Variants in NXPE4 observed in about 807,000 individuals in gnomAD.
NXPE4 encodes the protein NXPE family member 4.
NXPE4 carries 42 observed loss-of-function variants against 33.3 expected under a neutral mutation model. That is an observed-to-expected ratio of 1.26 (90% CI 0.98 to 1.63). The LOEUF (loss-of-function observed/expected upper bound fraction) is 1.63, where lower values mean the gene tolerates loss of function less well. Ranked by LOEUF, NXPE4 falls within the 40% of genes most tolerant of loss-of-function variation. NXPE4 has a pLI of 0.00. For missense variants in NXPE4, 709 were observed against 647.6 expected (o/e 1.09, Z -1.03); for synonymous variants, 253 against 234.9 (o/e 1.08, Z -0.71).
the NXPE4 span, among the ~76,000 whole-genome samples, chr11:114,640,612 A>G: frequency 6.6e-6 from 1 of 151,926 alleles, no homozygotes; most frequent in African/African-American, 2.4e-5. Context: ...ATCTTCACGA[A>G]CATCTGTTGG....
chr11:114,635,924 C>A, the NXPE4 span, among the ~76,000 whole-genome samples: 1 of 151,952 alleles, frequency 6.6e-6, no homozygotes, highest in Non-Finnish European at 1.5e-5. Flanking sequence ...GTCTAAAATT[C>A]TCTTTTTTGG....
At chr11:114,581,176 C>A (rs964169514) in intron 4 of NXPE4, among the ~76,000 whole-genome samples, 1 of 152,004 alleles carries the variant, frequency 6.6e-6, no homozygotes, top group Non-Finnish European at 1.5e-5. Context: ...TGCCTTGAGT[C>A]GTTTTAGATA....
the NXPE4 span, among the ~76,000 whole-genome samples, chr11:114,602,941 A>G: frequency 6.7e-6 from 1 of 149,764 alleles, no homozygotes; most frequent in Non-Finnish European, 1.5e-5. Flanking sequence ...TAATTACAGA[A>G]TCATAATTAT....
chr11:114,573,373 A>C (rs917428236), intron 5 of NXPE4, among the ~76,000 whole-genome samples: 1 of 152,170 alleles, frequency 6.6e-6, no homozygotes, highest in Non-Finnish European at 1.5e-5. Context: ...GCTAATATTG[A>C]ATGTAAATGA....
chr11:114,590,475 A>C (rs1031584798), intron 2 of NXPE4, among the ~76,000 whole-genome samples: 2 of 152,170 alleles, frequency 1.3e-5, no homozygotes, highest in African/African-American at 2.4e-5. Context: ...GGTGAGATAG[A>C]TCATCCTCTA....
Position 114,582,970 on chromosome 11 carries a change from T to G in NXPE4, c.148A>C (p.Thr50Pro). The change falls in exon 3 of 6, where the codon ACA (threonine) becomes CCA (proline). Residue 50 changes from threonine to proline, a missense_variant. By Grantham distance (38) the Thr-to-Pro change is conservative. Coordinates refer to ENST00000375478, the MANE Select transcript of NXPE4 (RefSeq NM_001077639.2). ...GGTGTTTTAGGGAATAAGGACTTTG[T>G]GGAGTTGTTCCAGTAATGGAGGGAG... ...SISLHYWNNSTKSLFPKTPLI... is the reference protein window; with the variant it reads ...SISLHYWNNSPKSLFPKTPLI... 1.2e-6 allele frequency: 2 copies of G among 1,614,014 alleles called. No homozygotes were observed. The highest frequency in any genetic ancestry group is 1.7e-6 in the Non-Finnish European group (2 of 1,179,994).
the NXPE4 span, among the ~76,000 whole-genome samples, chr11:114,645,520 T>C: frequency 6.6e-6 from 1 of 151,856 alleles, no homozygotes; most frequent in Non-Finnish European, 1.5e-5. Flanking sequence ...TAGAAGAAAA[T>C]GTTGATAAAT....
chr11:114,646,816 G>T, the NXPE4 span, among the ~76,000 whole-genome samples: 1 of 152,028 alleles, frequency 6.6e-6, no homozygotes, highest in African/African-American at 2.4e-5. Flanking sequence ...TAAGACTATG[G>T]TTACAAAGCA....
chr11:114,651,102 T>TTA, the NXPE4 span, among the ~76,000 whole-genome samples: 1 of 103,484 alleles, frequency 9.7e-6, no homozygotes, highest in African/African-American at 3.1e-5. Flanking sequence ...ATTACATATA[T>TTA]TATATATAAT....
the NXPE4 span, among the ~76,000 whole-genome samples, chr11:114,650,852 G>A: frequency 2.6e-5 from 4 of 152,134 alleles, no homozygotes; most frequent in African/African-American, 9.6e-5. Flanking sequence ...GAGTCTCACT[G>A]CTGCCCTACC....
the NXPE4 span, among the ~76,000 whole-genome samples, chr11:114,656,382 T>G: frequency 6.6e-6 from 1 of 152,132 alleles, no homozygotes; most frequent in African/African-American, 2.4e-5. Context: ...TCAGTGCTAT[T>G]CCCATCAAAC....
At chr11:114,623,015 C>A in the NXPE4 span, among the ~76,000 whole-genome samples, 1 of 151,998 alleles carries the variant, frequency 6.6e-6, no homozygotes, top group East Asian at 1.9e-4. Flanking sequence ...ATAAGTGTTG[C>A]CTTGCGGGAA....
At chr11:114,656,426 C>A in the NXPE4 span, among the ~76,000 whole-genome samples, 1 of 152,126 alleles carries the variant, frequency 6.6e-6, no homozygotes, top group African/African-American at 2.4e-5. Context: ...TTAGAAAAAA[C>A]TATTTTGAAT....
At chr11:114,636,740 C>T in the NXPE4 span, among the ~76,000 whole-genome samples, 4 of 152,176 alleles carry the variant, frequency 2.6e-5, no homozygotes, top group South Asian at 8.3e-4. Flanking sequence ...CATTCAGGAG[C>T]AGGTTGTTCA....
At chr11:114,631,416 C>T in the NXPE4 span, among the ~76,000 whole-genome samples, 45 of 150,794 alleles carry the variant, frequency 3.0e-4, no homozygotes, top group African/African-American at 9.3e-4. Flanking sequence ...AGTAAACTAT[C>T]GCAAGAACAA....
intron 1 of NXPE4, 71 bp downstream of exon 1, chr11:114,595,521 G>A (rs901387645): frequency 1.3e-5 from 2 of 152,198 alleles, no homozygotes; most frequent in African/African-American, 4.8e-5. Flanking sequence ...ATGGGCATTA[G>A]ATGTTTCTGC....
At chr11:114,624,109 G>A in the NXPE4 span, among the ~76,000 whole-genome samples, 9 of 151,682 alleles carry the variant, frequency 5.9e-5, no homozygotes, top group African/African-American at 1.7e-4. Flanking sequence ...GTTTTATGTC[G>A]TGGGTAACCA....
the NXPE4 span, among the ~76,000 whole-genome samples, chr11:114,661,479 G>A: frequency 6.6e-6 from 1 of 152,136 alleles, no homozygotes; most frequent in Non-Finnish European, 1.5e-5. Context: ...AACGCTGCCT[G>A]TTTTGTCTGC....
the NXPE4 span, among the ~76,000 whole-genome samples, chr11:114,611,677 G>A: frequency 8.0e-4 from 121 of 151,312 alleles, no homozygotes; most frequent in Admixed American, 7.1e-3. Context: ...GTGTTGCCTC[G>A]TGGGTAACCA....
Sources: gnomAD v4.1 joint callset for allele counts (sites outside exome capture counted in the v4.1 genomes callset) on GRCh38, gnomAD v4.1.1 for gene constraint, MANE v1.5 for transcripts, NCBI Gene and HGNC (gene_info 2026-07-23, HGNC 2026-07-21) for gene names.